The following BARD1 variants were observed in gnomAD, a reference collection of about 807,000 sequenced individuals.
BARD1 encodes BRCA1 associated RING domain 1.
A neutral mutation model predicts 77.0 loss-of-function variants in BARD1; 73 were observed. That is an observed-to-expected ratio of 0.95 (90% CI 0.79 to 1.15). The LOEUF (loss-of-function observed/expected upper bound fraction) is 1.15. Among genes scored for constraint, BARD1 ranks in the 50% most tolerant of loss-of-function variants. The pLI is 0.00. For missense variants in BARD1, 993 were observed against 938.8 expected, an observed-to-expected ratio of 1.06 and a Z score of -0.75; for synonymous variants, 384 against 338.0, an observed-to-expected ratio of 1.14 and a Z score of -1.49.
intron 7 of BARD1, among the ~76,000 whole-genome samples, chr2:214,751,151 ATTTTTT>A (rs60746999): frequency 1.6e-4 from 6 of 37,196 alleles, no homozygotes; most frequent in African/African-American, 7.3e-4. Flanking sequence ...ATATATATAT[ATTTTTT>A]TTTTTTTTTT....
chr2:214,799,391 T>G (rs1695911673), intron 1 of BARD1, among the ~76,000 whole-genome samples: 1 of 152,186 alleles, frequency 6.6e-6, no homozygotes, highest in African/African-American at 2.4e-5. Flanking sequence ...GTATTCAATA[T>G]TCTATAAATA....
At chr2:214,752,341 T>C in intron 7 of BARD1, 106 bp downstream of exon 7, 2 of 880,716 alleles carry the variant, frequency 2.3e-6, no homozygotes, top group Non-Finnish European at 3.7e-6. Context: ...CAATAATTGT[T>C]TGGTGAATGT....
At chr2:214,779,448 C>G (rs911672853) in intron 4 of BARD1, among the ~76,000 whole-genome samples, 1 of 151,978 alleles carries the variant, frequency 6.6e-6, no homozygotes, top group African/African-American at 2.4e-5. Flanking sequence ...ATTTTTGATT[C>G]GCAGTTGGTT....
chr2:214,775,349 G>T (rs941128332), intron 4 of BARD1, among the ~76,000 whole-genome samples: 1 of 152,084 alleles, frequency 6.6e-6, no homozygotes, highest in Non-Finnish European at 1.5e-5. Flanking sequence ...TTGTGTCCCA[G>T]GAAACAGGGA....
At chr2:214,751,137 ATATATATATATATATTT>A (rs1559393066) in intron 7 of BARD1, among the ~76,000 whole-genome samples, 10 of 18,336 alleles carry the variant, frequency 5.5e-4, no homozygotes, top group African/African-American at 6.9e-4. Context: ...ATATATATAT[ATATATATATATATATTT>A]TTTTTTTTTT....
intron 4 of BARD1, among the ~76,000 whole-genome samples, chr2:214,777,207 C>A: frequency 6.6e-6 from 1 of 151,934 alleles, no homozygotes. Context: ...TGTTTTGGCA[C>A]CAATAGAAAA....
chr2:214,781,276 C>CAG lies in BARD1; in HGVS notation c.596_597dup (p.Ala200LeufsTer13), dbSNP rs1574820590. On this transcript the variant is annotated frameshift_variant, in exon 4 of 11. Coordinates refer to ENST00000260947, the MANE Select transcript of BARD1 (RefSeq NM_000465.4). LOFTEE classifies it high-confidence loss of function. ...TTTTTTTGCTTTTTTCCAGATCTTG[C>CAG]AGAAGCCTTTTTAGCCCTCTCAGAA... 1 of 1,600,410 alleles carries CAG rather than the reference C, an allele frequency of 6.2e-7. No homozygotes were observed. Among genetic ancestry groups the CAG allele is most frequent in the Non-Finnish European group, 8.5e-7 (1 of 1,176,646 alleles).
chr2:214,794,886 T>C (rs2106141241), intron 2 of BARD1, among the ~76,000 whole-genome samples: 1 of 152,346 alleles, frequency 6.6e-6, no homozygotes, highest in East Asian at 1.9e-4. Flanking sequence ...CTTTCCTACG[T>C]TCATGTCATA....
chr2:214,777,890 G>T (rs1000516454), intron 4 of BARD1, among the ~76,000 whole-genome samples: 7 of 152,178 alleles, frequency 4.6e-5, no homozygotes, highest in Admixed American at 2.6e-4. Context: ...GGATAGGAAT[G>T]AAATGAAAAC....
rs956900307 is a variant in BARD1 at position 214,792,057 on chromosome 2, A to G, written c.364+240T>C. Among the ~76,000 whole-genome samples, 3 of 151,580 alleles carry G rather than the reference A, an allele frequency of 2.0e-5. No homozygotes were observed. In the South Asian group the frequency reaches 6.2e-4, roughly 32 times the overall value. ...TCCAAAAAACCACCGGGTGTGTCAC[A>G]TGCATGTACCAGGGAGGCTGAGGTG... On this transcript the variant is annotated intron_variant, in intron 3 of 10. Coordinates refer to ENST00000260947, the MANE Select transcript of BARD1 (RefSeq NM_000465.4).
chr2:214,788,394 C>T (rs1403186463), intron 3 of BARD1, among the ~76,000 whole-genome samples: 1 of 151,946 alleles, frequency 6.6e-6, no homozygotes, highest in Non-Finnish European at 1.5e-5. Flanking sequence ...CTTTAAAGTA[C>T]ACTGAACCAA....
At chr2:214,756,820 C>T (rs897079799) in intron 6 of BARD1, among the ~76,000 whole-genome samples, 1 of 152,022 alleles carries the variant, frequency 6.6e-6, no homozygotes, top group African/African-American at 2.4e-5. Context: ...ACTTCACGGA[C>T]TCAAGGGGAA....
intron 1 of BARD1, among the ~76,000 whole-genome samples, chr2:214,798,378 A>G (rs1374382850): frequency 6.6e-6 from 1 of 152,174 alleles, no homozygotes; most frequent in Non-Finnish European, 1.5e-5. Flanking sequence ...GCCAATAAAC[A>G]TGATCTCTTT....
At chr2:214,758,112 T>C (rs977244438) in intron 6 of BARD1, among the ~76,000 whole-genome samples, 2 of 152,092 alleles carry the variant, frequency 1.3e-5, no homozygotes, top group African/African-American at 4.8e-5. Context: ...GCTTCCTAAA[T>C]CATTGTAAGC....
At chr2:214,765,732 A>C (rs1406245043) in intron 6 of BARD1, among the ~76,000 whole-genome samples, 2 of 152,140 alleles carry the variant, frequency 1.3e-5, no homozygotes, top group Non-Finnish European at 2.9e-5. Flanking sequence ...ATGGAGACAC[A>C]CACAAACACG....
rs151080730 is a variant in BARD1 at position 214,767,577 on chromosome 2, C to T, written c.1473G>A (p.Gly491=). The T allele has an allele frequency of 2.5e-5, 40 of 1,613,884 alleles. No individual in the cohort carries two copies. The highest frequency in any genetic ancestry group is 5.5e-5 in the South Asian group (5 of 91,090). The change falls in exon 6 of 11, where the codon GGG becomes GGA. Residue 491 remains glycine, a synonymous_variant. Coordinates refer to ENST00000260947, the MANE Select transcript of BARD1 (RefSeq NM_000465.4). Reference sequence around the variant, plus strand: ...CGTGAAGTGGTGAGTCATTTTGATACCCGGTGGTGTTCACCAATGCCTTAT... The same window carrying T: ...CGTGAAGTGGTGAGTCATTTTGATATCCGGTGGTGTTCACCAATGCCTTAT... ...LQHKALVNTT[G]YQNDSPLHDA...
intron 3 of BARD1, among the ~76,000 whole-genome samples, chr2:214,789,929 G>A (rs551877863): frequency 3.9e-5 from 6 of 152,184 alleles, no homozygotes; most frequent in African/African-American, 1.4e-4. Context: ...TGGCCTTTGG[G>A]AAATTAATCA....
At position 214,727,867 on chromosome 2, in the gene BARD1, C is replaced by T; in HGVS notation, c.*809G>A. ...ATTTAAAGTAATGACGTTGGACTGA[C>T]AATTTGCTAGACTGGTCAGACCTTT... On this transcript the variant is annotated 3_prime_UTR_variant, in exon 11 of 11. Transcript: ENST00000260947. The T allele has an allele frequency of 4.5e-6, 1 of 220,212 alleles. No homozygotes were observed. The highest frequency in any genetic ancestry group is 9.1e-6 in the Non-Finnish European group (1 of 109,982). 13.6% of individuals were successfully genotyped at this position (220,212 alleles called of 1,614,324 possible).
At chr2:214,766,682 A>C (rs1413288432) in intron 6 of BARD1, among the ~76,000 whole-genome samples, 1 of 152,188 alleles carries the variant, frequency 6.6e-6, no homozygotes, top group Non-Finnish European at 1.5e-5. Flanking sequence ...TTTACTTGTA[A>C]ACTACACACA....
Sources: gnomAD v4.1 joint callset for allele counts (sites outside exome capture counted in the v4.1 genomes callset) on GRCh38, gnomAD v4.1.1 for gene constraint, MANE v1.5 for transcripts, NCBI Gene and HGNC (gene_info 2026-07-23, HGNC 2026-07-21) for gene names.